ARL13B: variants seen among roughly 807,000 people sequenced by gnomAD.
ARL13B encodes the protein ARF like GTPase 13B, also known as ADP-ribosylation factor-like protein 13B.
Under a neutral mutation model 56.1 loss-of-function variants are expected in ARL13B, and 36 were observed. That is an observed-to-expected ratio of 0.64 (90% confidence interval 0.49 to 0.85). The LOEUF (loss-of-function observed/expected upper bound fraction) is 0.85. Ranked by LOEUF, ARL13B falls within the 40% of genes least tolerant of loss-of-function variation. The probability of loss-of-function intolerance (pLI) is 0.00; values close to 1 mark genes in which losing one functional copy is unlikely to be tolerated. For missense variants in ARL13B, 519 were observed against 507.1 expected, an observed-to-expected ratio of 1.02 and a Z score of -0.23; for synonymous variants, 178 against 171.1, an observed-to-expected ratio of 1.04 and a Z score of -0.32.
At chr3:94,048,589 T>C (rs1025553622) in intron 7 of ARL13B, among the ~76,000 whole-genome samples, 2 of 152,222 alleles carry the variant, frequency 1.3e-5, no homozygotes, top group Admixed American at 6.5e-5. Flanking sequence ...TATTTACTTA[T>C]TTATTTGATT....
intron 3 of ARL13B, among the ~76,000 whole-genome samples, chr3:94,010,386 G>A (rs1422442425): frequency 1.3e-5 from 2 of 152,022 alleles, no homozygotes; most frequent in Non-Finnish European, 2.9e-5. Context: ...ATGTTTCAAA[G>A]TATTTCATCT....
At position 94,054,758 on chromosome 3, in the gene ARL13B, G is replaced by A. The variant is rs768202803; in HGVS notation, c.*1495G>A. The A allele has an allele frequency of 3.8e-5, 16 of 417,568 alleles. No homozygotes were observed. The highest frequency in any genetic ancestry group is 1.9e-5 in the Non-Finnish European group (4 of 208,764). The allele number at this position is 417,568 out of a possible 1,614,324, so 25.9% of individuals were successfully genotyped here. ...TATATATTCTTGGAGTTTGTACATGGGACTTAGCAACCACACTGAGTGAGG... is the reference window on the plus strand; with the variant it reads ...TATATATTCTTGGAGTTTGTACATGAGACTTAGCAACCACACTGAGTGAGG... On this transcript the variant is annotated 3_prime_UTR_variant, in exon 10 of 10. Coordinates refer to ENST00000394222, the MANE Select transcript of ARL13B (RefSeq NM_001174150.2).
chr3:94,023,875 T>C (rs1188520004), intron 3 of ARL13B, among the ~76,000 whole-genome samples: 2 of 147,856 alleles, frequency 1.4e-5, no homozygotes, highest in Non-Finnish European at 3.1e-5. Flanking sequence ...TAAAATAATG[T>C]TGTTGTTTGA....
intron 2 of ARL13B, chr3:93,996,769 C>T (rs1323929482): frequency 5.1e-6 from 1 of 197,006 alleles, no homozygotes; most frequent in African/African-American, 2.3e-5. Context: ...TATCACCAGT[C>T]AGGCATCTAA....
intron 7 of ARL13B, among the ~76,000 whole-genome samples, chr3:94,045,474 A>G (rs1022619584): frequency 6.6e-6 from 1 of 151,910 alleles, no homozygotes; most frequent in Non-Finnish European, 1.5e-5. Context: ...AAAGAAAGAA[A>G]AAAAAGAGTT....
chr3:94,018,435 T>C (rs2076378424), intron 3 of ARL13B, among the ~76,000 whole-genome samples: 1 of 152,164 alleles, frequency 6.6e-6, no homozygotes, highest in African/African-American at 2.4e-5. Flanking sequence ...TTTTTTTCTC[T>C]TACCTTTTTG....
chr3:93,993,631 T>C (rs1331182608), intron 1 of ARL13B, among the ~76,000 whole-genome samples: 6 of 152,238 alleles, frequency 3.9e-5, no homozygotes, highest in African/African-American at 1.4e-4. Flanking sequence ...CTCTGGATAG[T>C]CATTTACTAT....
At chr3:93,997,111 T>TG (rs1176158793) in intron 2 of ARL13B, among the ~76,000 whole-genome samples, 4 of 151,974 alleles carry the variant, frequency 2.6e-5, no homozygotes, top group Non-Finnish European at 5.9e-5. Flanking sequence ...AAAACAAGCT[T>TG]GGGGTCCCAC....
chr3:93,999,332 C>A (rs959273704), intron 2 of ARL13B, among the ~76,000 whole-genome samples: 2 of 152,012 alleles, frequency 1.3e-5, no homozygotes, highest in African/African-American at 4.8e-5. Flanking sequence ...ATCTCAAACT[C>A]CTGGGCTCAA....
chr3:94,008,184 G>T (rs1428254815), intron 3 of ARL13B, among the ~76,000 whole-genome samples: 2 of 152,062 alleles, frequency 1.3e-5, no homozygotes, highest in Non-Finnish European at 2.9e-5. Flanking sequence ...CAAACATTAT[G>T]CTTTGCAATC....
chr3:94,022,210 T>C (rs1485896218), intron 3 of ARL13B, among the ~76,000 whole-genome samples: 1 of 151,996 alleles, frequency 6.6e-6, no homozygotes, highest in Non-Finnish European at 1.5e-5. Context: ...TGCAACCTCC[T>C]CCTCCCTGGT....
chr3:94,022,021 G>C (rs2076459655), intron 3 of ARL13B, among the ~76,000 whole-genome samples: 1 of 152,030 alleles, frequency 6.6e-6, no homozygotes, highest in South Asian at 2.1e-4. Context: ...CTTAAAGACA[G>C]TCATAAAGGC....
chr3:93,982,726 A>G (rs765946708), intron 1 of ARL13B, among the ~76,000 whole-genome samples: 15 of 152,212 alleles, frequency 9.9e-5, no homozygotes, highest in Non-Finnish European at 1.2e-4. Context: ...TTTGAACACA[A>G]GTTGGATTAC....
chr3:93,999,698 A>G lies in ARL13B; in HGVS notation c.130+3754A>G, dbSNP rs542573953. 1.0e-3 allele frequency among the ~76,000 whole-genome samples: 158 copies of G among 152,286 alleles called. 1 individual carries two copies. The highest frequency in any genetic ancestry group is 7.8e-4 in the Non-Finnish European group (53 of 68,026). ...ATTTTTTTCACAATAGCTTCTTAAT[A>G]TAAAAGTAACACCCCTTCCTGGAAC... On this transcript the variant is annotated intron_variant, in intron 2 of 9. Coordinates refer to ENST00000394222, the MANE Select transcript of ARL13B (RefSeq NM_001174150.2).
At chr3:94,029,189 A>T (rs2076617126) in intron 3 of ARL13B, among the ~76,000 whole-genome samples, 1 of 150,230 alleles carries the variant, frequency 6.7e-6, no homozygotes, top group Non-Finnish European at 1.5e-5. Context: ...GTTTATAGGA[A>T]GAATTAAAAA....
intron 1 of ARL13B, among the ~76,000 whole-genome samples, chr3:93,984,230 C>A (rs1483600782): frequency 6.6e-6 from 1 of 152,020 alleles, no homozygotes; most frequent in Non-Finnish European, 1.5e-5. Context: ...GTGGTGGGCA[C>A]CTGCAATACC....
At chr3:94,044,283 T>G (rs963394899) in intron 7 of ARL13B, among the ~76,000 whole-genome samples, 2 of 144,112 alleles carry the variant, frequency 1.4e-5, no homozygotes, top group Admixed American at 1.4e-4. Flanking sequence ...GTCTGGGAAG[T>G]GAGGAGCGCC....
intron 2 of ARL13B, among the ~76,000 whole-genome samples, chr3:93,996,941 C>T (rs180773632): frequency 1.1e-4 from 16 of 152,230 alleles, no homozygotes; most frequent in Non-Finnish European, 2.4e-4. Flanking sequence ...AACATTGCCC[C>T]CTGTCAGATC....
rs1173254109 is a variant in ARL13B at position 94,054,599 on chromosome 3, A to G, written c.*1336A>G. ...AACAGACATGTGCTAGTATCTGATA[A>G]CATTAAGTACATTTTATGTCGTTTA... On this transcript the variant is annotated 3_prime_UTR_variant, in exon 10 of 10. Transcript: ENST00000394222. 1 of 382,772 alleles carries G rather than the reference A, an allele frequency of 2.6e-6. No individual in the cohort carries two copies. The highest frequency in any genetic ancestry group is 2.1e-5 in the African/African-American group (1 of 46,984). The allele number at this position is 382,772 out of a possible 1,614,324, so 23.7% of individuals were successfully genotyped here.
Sources: gnomAD v4.1 joint callset for allele counts (sites outside exome capture counted in the v4.1 genomes callset) on GRCh38, gnomAD v4.1.1 for gene constraint, MANE v1.5 for transcripts, NCBI Gene and HGNC (gene_info 2026-07-23, HGNC 2026-07-21) for gene names.